The following FRMD4A variants were observed in gnomAD, a reference collection of about 807,000 sequenced individuals.
FRMD4A encodes FERM domain containing 4A.
FRMD4A carries 29 observed loss-of-function variants against 129.1 expected under a neutral mutation model. That is an observed-to-expected ratio of 0.22 (90% CI 0.17 to 0.31). FRMD4A has a LOEUF of 0.31. FRMD4A is among the 10% of genes least tolerant of loss of function. The pLI is 1.00. For missense variants in FRMD4A, 1,272 were observed against 1,375.8 expected (o/e 0.92, Z 1.19); for synonymous variants, 634 against 571.6 (o/e 1.11, Z -1.56).
At position 13,818,944 on chromosome 10, in the gene FRMD4A, G is replaced by T. The variant is rs182602460; in HGVS notation, c.112-8036C>A. Among the ~76,000 whole-genome samples the T allele has an allele frequency of 3.7e-3, 558 of 152,234 alleles. 5 individuals carry two copies. Among genetic ancestry groups the T allele is most frequent in the African/African-American group, 0.013 (524 of 41,540 alleles). ...AGTTTGAGACTAGCCTGGCCAACAC[G>T]GTGAAACCCTGTCTCTACTAAAAAT... is the stretch of plus-strand genomic sequence containing the variant. On this transcript the variant is annotated intron_variant, in intron 3 of 24. Transcript: ENST00000357447.
At chr10:13,928,679 C>T (rs2095161794) in intron 2 of FRMD4A, among the ~76,000 whole-genome samples, 1 of 152,144 alleles carries the variant, frequency 6.6e-6, no homozygotes, top group Admixed American at 6.5e-5. Context: ...CTGGCAGTGG[C>T]TCTGAGGATA....
intron 2 of FRMD4A, among the ~76,000 whole-genome samples, chr10:14,130,159 T>A (rs1286204945): frequency 1.3e-5 from 2 of 152,228 alleles, no homozygotes; most frequent in Non-Finnish European, 2.9e-5. Context: ...TCTCTTTGCT[T>A]TAGCCAGATA....
In FRMD4A at chr10:13,815,233, C is replaced by T. The variant is rs943824653; in HGVS notation, c.112-4325G>A. 3.9e-5 allele frequency among the ~76,000 whole-genome samples: 6 copies of T among 152,168 alleles called. 1 individual carries two copies. The South Asian group carries it at 8.3e-4, about 21-fold the overall frequency. On this transcript the variant is annotated intron_variant, in intron 3 of 24. Transcript: ENST00000357447. ...TACACAGCATGGAATATTATTTCGC[C>T]CTAAAAAGGAATGAAATCCTGACGT...
rs557052015 is a variant in FRMD4A at position 14,028,462 on chromosome 10, C to T, written c.46-169550G>A. Among the ~76,000 whole-genome samples, 110 of 152,298 alleles carry T rather than the reference C, an allele frequency of 7.2e-4. 1 individual carries two copies. Among genetic ancestry groups the T allele is most frequent in the South Asian group, 3.7e-3 (18 of 4,834 alleles). ...GTCACTGACAAAGGGGGAGAAGAGGCTGTTGCCCTACCTAAGAAACATTAA... is the reference window on the plus strand; with the variant it reads ...GTCACTGACAAAGGGGGAGAAGAGGTTGTTGCCCTACCTAAGAAACATTAA... On this transcript the variant is annotated intron_variant, in intron 2 of 24. Coordinates refer to ENST00000357447, the MANE Select transcript of FRMD4A (RefSeq NM_018027.5).
chr10:14,131,786 G>T (rs529428303), intron 2 of FRMD4A, among the ~76,000 whole-genome samples: 1 of 151,756 alleles, frequency 6.6e-6, no homozygotes, highest in Admixed American at 6.6e-5. Context: ...CTCTCCTTCC[G>T]CTCCCGCTAG....
intron 2 of FRMD4A, among the ~76,000 whole-genome samples, chr10:14,025,309 T>C (rs1267848630): frequency 6.6e-6 from 1 of 152,114 alleles, no homozygotes; most frequent in Non-Finnish European, 1.5e-5. Context: ...CTTTTTTTTT[T>C]TAACTTAAAA....
intron 19 of FRMD4A, among the ~76,000 whole-genome samples, chr10:13,660,790 C>G (rs960547085): frequency 6.6e-6 from 1 of 152,154 alleles, no homozygotes; most frequent in African/African-American, 2.4e-5. Context: ...GGAAGAGATG[C>G]GTCACTTTTG....
Position 14,198,357 on chromosome 10 carries a change from A to G in FRMD4A, c.45+131701T>C, listed in dbSNP as rs58360485. Among the ~76,000 whole-genome samples the G allele has an allele frequency of 3.7e-4, 57 of 152,298 alleles. No individual in the cohort carries two copies. The East Asian group carries it at 9.9e-3, about 26-fold the overall frequency. ...GGGATGTTGAGGCAACTGCCATGCAATTGCTACTAGGCAGCGGCACATGGT... is the reference window on the plus strand; with the variant it reads ...GGGATGTTGAGGCAACTGCCATGCAGTTGCTACTAGGCAGCGGCACATGGT... On this transcript the variant is annotated intron_variant, in intron 2 of 24. Transcript: ENST00000357447.
intron 2 of FRMD4A, among the ~76,000 whole-genome samples, chr10:14,036,598 A>C (rs1833513145): frequency 6.6e-6 from 1 of 152,152 alleles, no homozygotes; most frequent in Non-Finnish European, 1.5e-5. Context: ...CTCTTCTCTA[A>C]GCACATGCTT....
At position 13,747,779 on chromosome 10, in the gene FRMD4A, G is replaced by T; in HGVS notation, c.505C>A (p.Leu169Ile). 1 of 1,607,394 alleles carries T rather than the reference G, an allele frequency of 6.2e-7. No homozygotes were observed. Among genetic ancestry groups the T allele is most frequent in the Non-Finnish European group, 8.5e-7 (1 of 1,174,068 alleles). The change falls in exon 9 of 25, where the codon CTT becomes ATT. Residue 169 changes from leucine to isoleucine, a missense_variant. By Grantham distance (5) the Leu-to-Ile change is conservative. Around this residue, in one of 2 missense-constraint regions of FRMD4A, gnomAD observed 300 missense variants for 483.6 expected, o/e 0.62. Transcript: ENST00000357447. ...TGCTCCTTCAGGGCTTGGGTGGGAAGGGCTGGCAGCTTCTTCAAGTCACTC... is the reference window on the plus strand; with the variant it reads ...TGCTCCTTCAGGGCTTGGGTGGGAATGGCTGGCAGCTTCTTCAAGTCACTC... ...VRSDLKKLPA[L>I]PTQALKEHPS...
intron 12 of FRMD4A, among the ~76,000 whole-genome samples, chr10:13,728,874 T>C (rs1564701346): frequency 6.6e-6 from 1 of 152,108 alleles, no homozygotes; most frequent in South Asian, 2.1e-4. Context: ...GCCCAGCCGA[T>C]GACCACTCTT....
chr10:13,809,894 G>A (rs536654011), intron 4 of FRMD4A, among the ~76,000 whole-genome samples: 37 of 152,340 alleles, frequency 2.4e-4, no homozygotes, highest in African/African-American at 7.9e-4. Flanking sequence ...GTGTAGCCAT[G>A]TGCAGGGACA....
At chr10:14,005,738 C>T (rs2095659913) in intron 2 of FRMD4A, among the ~76,000 whole-genome samples, 1 of 152,156 alleles carries the variant, frequency 6.6e-6, no homozygotes, top group African/African-American at 2.4e-5. Context: ...TGCCAGGTCC[C>T]TGGATTTAGG....
intron 2 of FRMD4A, among the ~76,000 whole-genome samples, chr10:13,983,523 G>A (rs2131408736): frequency 6.6e-6 from 1 of 152,178 alleles, no homozygotes. Context: ...CCAGAAAAAT[G>A]TTTCTGGGTA....
At chr10:13,709,387 A>G (rs867292870) in intron 12 of FRMD4A, among the ~76,000 whole-genome samples, 17 of 152,038 alleles carry the variant, frequency 1.1e-4, no homozygotes, top group Middle Eastern at 3.4e-3. Flanking sequence ...ATCGTAGCAC[A>G]GTACCGGCAC....
chr10:13,658,132 T>TAAAAA (rs565374030), intron 21 of FRMD4A, among the ~76,000 whole-genome samples: 6 of 81,240 alleles, frequency 7.4e-5, no homozygotes, highest in Admixed American at 1.6e-4. Flanking sequence ...CTGTCTCTCT[T>TAAAAA]AAAAAAAAAA....
chr10:14,224,429 T>C (rs986228230), intron 2 of FRMD4A, among the ~76,000 whole-genome samples: 1 of 152,232 alleles, frequency 6.6e-6, no homozygotes, highest in African/African-American at 2.4e-5. Context: ...GTGGTTTAGT[T>C]GACTTTGTCT....
chr10:13,721,367 G>C (rs539827865), intron 12 of FRMD4A, among the ~76,000 whole-genome samples: 2 of 152,086 alleles, frequency 1.3e-5, no homozygotes, highest in East Asian at 1.9e-4. Flanking sequence ...CTGTAGTCCC[G>C]GCTACTCAGG....
At chr10:13,728,570 A>ATTATTTTTTTTTTTT (rs1386167455) in intron 12 of FRMD4A, among the ~76,000 whole-genome samples, 1 of 28,710 alleles carries the variant, frequency 3.5e-5, no homozygotes, top group East Asian at 1.3e-3. Flanking sequence ...GGTGATTACC[A>ATTATTTTTTTTTTTT]TTCTTTTTTT....
Sources: allele counts gnomAD v4.1 joint callset (sites outside exome capture counted in the v4.1 genomes callset), GRCh38; gene constraint gnomAD v4.1.1; regional missense constraint gnomAD v4.1.1; transcripts MANE v1.5; gene names NCBI Gene and HGNC (gene_info 2026-07-23, HGNC 2026-07-21).